SYT16: variants seen among roughly 807,000 people sequenced by gnomAD.
SYT16 encodes the protein synaptotagmin 16.
In SYT16, 42 loss-of-function variants were observed where a neutral mutation model predicts 61.4. The observed-to-expected ratio is 0.68, with a 90% CI of 0.53 to 0.89. The LOEUF is 0.89. Among genes scored for constraint, SYT16 ranks in the 40% least tolerant of loss-of-function variants. SYT16 has a pLI of 0.00. For missense variants in SYT16, 804 were observed against 807.3 expected, an observed-to-expected ratio of 1.00 and a Z score of 0.05; for synonymous variants, 314 against 302.3, an observed-to-expected ratio of 1.04 and a Z score of -0.40.
At chr14:62,003,527 C>T (rs1045293343) in intron 3 of SYT16, among the ~76,000 whole-genome samples, 2 of 151,892 alleles carry the variant, frequency 1.3e-5, no homozygotes. Context: ...AACTTTTGGA[C>T]TAGTTGGTTG....
chr14:61,814,906 G>A (rs543052362), intron 1 of SYT16, among the ~76,000 whole-genome samples: 3 of 152,318 alleles, frequency 2.0e-5, no homozygotes, highest in South Asian at 4.1e-4. Context: ...CCTTCTGTTA[G>A]CATGGAGATG....
At chr14:61,917,369 C>T (rs2049161115) in intron 1 of SYT16, among the ~76,000 whole-genome samples, 1 of 152,138 alleles carries the variant, frequency 6.6e-6, no homozygotes, top group African/African-American at 2.4e-5. Context: ...CTCTGGGCCA[C>T]AGGGATTGAC....
chr14:62,088,962 T>A (rs1195290873), intron 7 of SYT16, among the ~76,000 whole-genome samples: 1 of 152,026 alleles, frequency 6.6e-6, no homozygotes, highest in East Asian at 1.9e-4. Context: ...ATACTTTTTT[T>A]TTTTTTTAAT....
chr14:61,899,052 G>C (rs1055400661), intron 1 of SYT16, among the ~76,000 whole-genome samples: 2 of 152,184 alleles, frequency 1.3e-5, no homozygotes, highest in Non-Finnish European at 2.9e-5. Context: ...TCCAGATGCA[G>C]TTACATTTAT....
At chr14:62,056,697 G>C (rs1176770272) in intron 3 of SYT16, among the ~76,000 whole-genome samples, 2 of 152,148 alleles carry the variant, frequency 1.3e-5, no homozygotes, top group Non-Finnish European at 2.9e-5. Flanking sequence ...GGTTAGGACT[G>C]GGAAAAACAC....
intron 2 of SYT16, among the ~76,000 whole-genome samples, chr14:61,994,463 G>A (rs2052681492): frequency 6.6e-6 from 1 of 152,152 alleles, no homozygotes; most frequent in Admixed American, 6.5e-5. Context: ...CATTGGCTTT[G>A]ACAGCCACAG....
intron 2 of SYT16, among the ~76,000 whole-genome samples, chr14:61,977,058 G>T (rs537406024): frequency 6.6e-6 from 1 of 152,160 alleles, no homozygotes; most frequent in African/African-American, 2.4e-5. Context: ...GGTGGCCTTT[G>T]CTCCTGTTTC....
chr14:62,091,096 G>T (rs1275070354), intron 7 of SYT16, among the ~76,000 whole-genome samples: 2 of 152,110 alleles, frequency 1.3e-5, no homozygotes, highest in African/African-American at 4.8e-5. Context: ...CACATGGTAT[G>T]TCAATTATAT....
intron 1 of SYT16, among the ~76,000 whole-genome samples, chr14:61,914,622 G>GA (rs2049051004): frequency 6.6e-6 from 1 of 151,764 alleles, no homozygotes; most frequent in South Asian, 2.1e-4. Flanking sequence ...AAAACCTTGG[G>GA]GTTATCTTTG....
At chr14:61,887,246 C>G (rs1311731049) in intron 1 of SYT16, among the ~76,000 whole-genome samples, 1 of 152,188 alleles carries the variant, frequency 6.6e-6, no homozygotes, top group South Asian at 2.1e-4. Context: ...GATCTCAACA[C>G]TGGGCTTACA....
chr14:61,813,634 C>G (rs1309243089), intron 1 of SYT16, among the ~76,000 whole-genome samples: 1 of 152,066 alleles, frequency 6.6e-6, no homozygotes, highest in African/African-American at 2.4e-5. Flanking sequence ...GATGTGCTGG[C>G]TCAGGCCTGT....
At chr14:61,984,856 C>T (rs1028375548) in intron 2 of SYT16, among the ~76,000 whole-genome samples, 1 of 152,130 alleles carries the variant, frequency 6.6e-6, no homozygotes, top group African/African-American at 2.4e-5. Flanking sequence ...GCCTAGAAAA[C>T]AGTGCTTCCC....
At chr14:62,004,348 A>G (rs10148881) in intron 3 of SYT16, among the ~76,000 whole-genome samples, 116,679 of 152,050 alleles carry the variant, frequency 0.77, 45,454 homozygotes, top group African/African-American at 0.9. Context: ...TGAGAACAGC[A>G]TGGGGGAAAC....
rs1222416139 is a variant in SYT16 at position 61,863,857 on chromosome 14, C to T, written c.-325+51047C>T. Among the ~76,000 whole-genome samples, 12 of 152,156 alleles carry T rather than the reference C, an allele frequency of 7.9e-5. No individual in the cohort carries two copies. In the East Asian group the frequency reaches 1.9e-3, roughly 24 times the overall value. On this transcript the variant is annotated intron_variant, in intron 1 of 7. Transcript: ENST00000683842. ...AATGCCCAGTTGTTCCAGCACCAGT[C>T]GTGGAAAAGATTATCTTTGCTCCAT...
chr14:61,896,569 G>GGGT (rs1279253080), intron 1 of SYT16, among the ~76,000 whole-genome samples: 2 of 152,158 alleles, frequency 1.3e-5, no homozygotes, highest in Non-Finnish European at 2.9e-5. Context: ...GACTGAAAAT[G>GGGT]GGTGGTGGTG....
intron 3 of SYT16, among the ~76,000 whole-genome samples, chr14:62,051,185 C>G (rs1473105500): frequency 2.0e-5 from 3 of 152,238 alleles, no homozygotes; most frequent in African/African-American, 7.2e-5. Context: ...CGCCCCTCCC[C>G]CAGCCTCACT....
chr14:61,901,671 G>C (rs2048519453), intron 1 of SYT16, among the ~76,000 whole-genome samples: 2 of 151,696 alleles, frequency 1.3e-5, no homozygotes, highest in Non-Finnish European at 2.9e-5. Flanking sequence ...CATCTTTCAA[G>C]TGCATTTAGC....
At chr14:61,822,060 A>G (rs186519594) in intron 1 of SYT16, among the ~76,000 whole-genome samples, 4 of 152,348 alleles carry the variant, frequency 2.6e-5, no homozygotes, top group Non-Finnish European at 5.9e-5. Flanking sequence ...CTGCAGAACC[A>G]GAGAAGCCAG....
chr14:61,931,422 C>T (rs543302013), intron 1 of SYT16, among the ~76,000 whole-genome samples: 1 of 151,384 alleles, frequency 6.6e-6, no homozygotes, highest in African/African-American at 2.4e-5. Flanking sequence ...TTATTGTAGC[C>T]AAATTGATAA....
Sources: allele counts gnomAD v4.1 joint callset (sites outside exome capture counted in the v4.1 genomes callset), GRCh38; gene constraint gnomAD v4.1.1; transcripts MANE v1.5; gene names NCBI Gene and HGNC (gene_info 2026-07-23, HGNC 2026-07-21).